RANBP2: variants seen among roughly 807,000 people sequenced by gnomAD.
RANBP2 encodes the protein RAN binding protein 2.
In RANBP2, 57 loss-of-function variants were observed where a neutral mutation model predicts 303.6. The observed-to-expected ratio is 0.19, with a 90% CI of 0.15 to 0.23. The LOEUF (loss-of-function observed/expected upper bound fraction) is 0.23. Ranked by LOEUF, RANBP2 falls within the 10% of genes least tolerant of loss-of-function variation. The pLI, the probability that RANBP2 is intolerant of heterozygous loss-of-function variation, is 1.00. For missense variants in RANBP2, 3,138 were observed against 3,780.8 expected (o/e 0.83, Z 4.46); for synonymous variants, 1,167 against 1,301.5 (o/e 0.90, Z 2.23).
the RANBP2 span, among the ~76,000 whole-genome samples, chr2:108,934,127 C>T: frequency 6.6e-6 from 1 of 152,172 alleles, no homozygotes; most frequent in Non-Finnish European, 1.5e-5. Context: ...AAAACGTTCC[C>T]AGGTAAACCC....
the RANBP2 span, among the ~76,000 whole-genome samples, chr2:109,115,363 T>C: frequency 9.2e-5 from 14 of 152,362 alleles, no homozygotes; most frequent in East Asian, 2.5e-3. Context: ...CTTGTTGAAT[T>C]GATCCCTTTA....
intron 23 of RANBP2, 69 bp from the exon 24 acceptor site, chr2:108,775,663 T>TA (rs1394531710): frequency 2.4e-5 from 37 of 1,515,642 alleles, no homozygotes; most frequent in Admixed American, 3.3e-5. Context: ...CCCTTTGAAA[T>TA]AGATTATATA....
chr2:109,774,570 T>TG, the RANBP2 span, among the ~76,000 whole-genome samples: 1 of 94,736 alleles, frequency 1.1e-5, no homozygotes, highest in Non-Finnish European at 1.8e-5. Context: ...TGTATGTAAA[T>TG]GGTCTCCAGC....
the RANBP2 span, chr2:108,912,763 A>C: frequency 1.9e-6 from 3 of 1,589,136 alleles, no homozygotes; most frequent in Non-Finnish European, 2.6e-6. Flanking sequence ...TGGCTCCCAC[A>C]CCTGCAAGGA....
At chr2:109,360,063 CAAAAA>C in the RANBP2 span, among the ~76,000 whole-genome samples, 37 of 135,122 alleles carry the variant, frequency 2.7e-4, no homozygotes, top group African/African-American at 2.4e-4. Flanking sequence ...TTCCTTGCAC[CAAAAA>C]AAAAAAAAAA....
chr2:108,954,569 AGCC>A, the RANBP2 span, among the ~76,000 whole-genome samples: 2 of 151,942 alleles, frequency 1.3e-5, no homozygotes, highest in Non-Finnish European at 2.9e-5. Flanking sequence ...CATCCCACCC[AGCC>A]CTGTGCCTGG....
the RANBP2 span, among the ~76,000 whole-genome samples, chr2:109,038,293 C>A: frequency 6.6e-6 from 1 of 152,168 alleles, no homozygotes; most frequent in Non-Finnish European, 1.5e-5. Flanking sequence ...AAATGGATCA[C>A]AGACTTAAAC....
At chr2:109,628,522 A>ATAAATAAC in the RANBP2 span, among the ~76,000 whole-genome samples, 1 of 151,588 alleles carries the variant, frequency 6.6e-6, no homozygotes, top group African/African-American at 2.4e-5. Flanking sequence ...AAATAAATAA[A>ATAAATAAC]TAAATAAATA....
At chr2:108,820,287 A>G in the RANBP2 span, among the ~76,000 whole-genome samples, 6 of 152,274 alleles carry the variant, frequency 3.9e-5, no homozygotes, top group African/African-American at 1.2e-4. Flanking sequence ...AGAGGAGCAA[A>G]GAGAAAAAAA....
chr2:108,756,613 A>G (rs1676333062), intron 17 of RANBP2, among the ~76,000 whole-genome samples: 2 of 152,200 alleles, frequency 1.3e-5, no homozygotes, highest in African/African-American at 4.8e-5. Context: ...ATTACATACA[A>G]TTTTGACTTA....
downstream of RANBP2, among the ~76,000 whole-genome samples, chr2:108,790,790 G>C (rs1679781670): frequency 6.6e-6 from 1 of 152,150 alleles, no homozygotes; most frequent in South Asian, 2.1e-4. Flanking sequence ...CGAGCCTGTT[G>C]CCCAGGCTGT....
chr2:109,466,801 A>G, the RANBP2 span, among the ~76,000 whole-genome samples: 1 of 151,782 alleles, frequency 6.6e-6, no homozygotes, highest in African/African-American at 2.4e-5. Context: ...GTGTATCTAT[A>G]TGTGTGTATG....
At chr2:109,425,732 A>G in the RANBP2 span, among the ~76,000 whole-genome samples, 1 of 151,826 alleles carries the variant, frequency 6.6e-6, no homozygotes, top group Non-Finnish European at 1.5e-5. Context: ...ATTACTGCTC[A>G]TTGCCAGTGT....
chr2:108,926,078 T>C, the RANBP2 span, among the ~76,000 whole-genome samples: 1 of 152,190 alleles, frequency 6.6e-6, no homozygotes, highest in East Asian at 1.9e-4. Flanking sequence ...TCTGTAGGAC[T>C]AGGCTAAACT....
the RANBP2 span, among the ~76,000 whole-genome samples, chr2:109,292,694 C>T: frequency 1.3e-5 from 2 of 152,148 alleles, no homozygotes; most frequent in Non-Finnish European, 1.5e-5. Flanking sequence ...GAGCACAAAC[C>T]GGCCTGGTCC....
intron 25 of RANBP2, among the ~76,000 whole-genome samples, chr2:108,780,646 C>CA (rs1678191468): frequency 6.6e-6 from 1 of 151,696 alleles, no homozygotes; most frequent in Non-Finnish European, 1.5e-5. Flanking sequence ...TCTTCTGCCT[C>CA]AGCCTCTCAA....
At chr2:109,374,498 G>T in the RANBP2 span, among the ~76,000 whole-genome samples, 1 of 152,168 alleles carries the variant, frequency 6.6e-6, no homozygotes, top group Non-Finnish European at 1.5e-5. Context: ...CTGGGAGGCC[G>T]CACAGGCATT....
At chr2:109,429,950 C>T in the RANBP2 span, among the ~76,000 whole-genome samples, 266 of 152,314 alleles carry the variant, frequency 1.7e-3, 1 homozygote, top group African/African-American at 5.9e-3. Context: ...AGCCAATCCA[C>T]GGAACAAGGC....
chr2:109,733,180 G>GAAA, the RANBP2 span: 407 of 291,044 alleles, frequency 1.4e-3, 1 homozygote, highest in East Asian at 2.7e-3. Context: ...TAGGTCAAAT[G>GAAA]AAAAAAAAAA....
Sources: gnomAD v4.1 joint callset for allele counts (sites outside exome capture counted in the v4.1 genomes callset) on GRCh38, gnomAD v4.1.1 for gene constraint, MANE v1.5 for transcripts, NCBI Gene and HGNC (gene_info 2026-07-23, HGNC 2026-07-21) for gene names.